The following EIF4E1B variants were observed in gnomAD, a reference collection of about 807,000 sequenced individuals.
The protein encoded by EIF4E1B is eukaryotic translation initiation factor 4E family member 1B.
In EIF4E1B, 22 loss-of-function variants were observed where a neutral mutation model predicts 31.3. The observed-to-expected ratio is 0.70, with a 90% confidence interval of 0.50 to 1.00. EIF4E1B has a LOEUF of 1.00. EIF4E1B is among the 50% of genes least tolerant of loss of function. EIF4E1B has a pLI of 0.00. For missense variants in EIF4E1B, 290 were observed against 311.6 expected, an observed-to-expected ratio of 0.93 and a Z score of 0.52; for synonymous variants, 126 against 120.2, an observed-to-expected ratio of 1.05 and a Z score of -0.31.
chr5:176,637,847 T>C (rs1760519176), intron 1 of EIF4E1B, among the ~76,000 whole-genome samples: 2 of 152,092 alleles, frequency 1.3e-5, no homozygotes, highest in South Asian at 4.1e-4. Context: ...GGGAGGGGAC[T>C]ATTCTTGGGC....
At chr5:176,644,180 T>A in intron 5 of EIF4E1B, 196 bp from the exon 6 acceptor site, 1 of 626,400 alleles carries the variant, frequency 1.6e-6, no homozygotes. Flanking sequence ...TGGCTCAGCC[T>A]TCACTGGGAA....
At chr5:176,642,841 C>A (rs1238883301) in intron 3 of EIF4E1B, 39 bp downstream of exon 3, 2 of 1,476,558 alleles carry the variant, frequency 1.4e-6, no homozygotes, top group Non-Finnish European at 1.8e-6. Context: ...TGCACCATGG[C>A]CCCGCCCTCT....
chr5:176,643,382 G>GGCC (rs1760628886), intron 4 of EIF4E1B, 116 bp downstream of exon 4: 1 of 1,315,858 alleles, frequency 7.6e-7, no homozygotes. Context: ...ATCCGTGGGA[G>GGCC]GCCAGGGCTG....
At position 176,645,594 on chromosome 5, in the gene EIF4E1B, A is replaced by G; in HGVS notation, c.614+78A>G. ...GGTGGGTGGAGGGGGCTTGGCCTGC[A>G]TGGGAGACCTCTGAAAGTCTCCATA... On this transcript the variant is annotated intron_variant, in intron 8 of 8. Coordinates refer to ENST00000318682, the MANE Select transcript of EIF4E1B (RefSeq NM_001099408.2). The surrounding 1 kb of genome is among the most constrained non-coding windows in gnomAD (Gnocchi z 5.4). 6.9e-7 allele frequency: 1 copy of G among 1,449,370 alleles called. No individual in the cohort carries two copies. Among genetic ancestry groups the G allele is most frequent in the Non-Finnish European group, 9.1e-7 (1 of 1,099,774 alleles). 89.8% of individuals were successfully genotyped at this position (1,449,370 alleles called of 1,614,324 possible).
chr5:176,635,163 A>G (rs533821184), intron 1 of EIF4E1B, among the ~76,000 whole-genome samples: 7 of 152,054 alleles, frequency 4.6e-5, no homozygotes, highest in Non-Finnish European at 1.0e-4. Flanking sequence ...GGTGGCCAGA[A>G]GCAGAGGAAC....
chr5:176,645,692 A>AGT lies in EIF4E1B; in HGVS notation c.615-172_615-171dup. The AGT allele has an allele frequency of 8.8e-7, 1 of 1,139,302 alleles. No homozygotes were observed. The highest frequency in any genetic ancestry group is 1.2e-6 in the Non-Finnish European group (1 of 823,820). 70.6% of individuals were successfully genotyped at this position (1,139,302 alleles called of 1,614,324 possible). A position where few individuals can be genotyped will look rare whatever the true frequency, so the allele number is the denominator to read the frequency against. ...CAGATTTCTAACTTTCTCTTACGGCAGTGCAGCTCTCCTTTTGCATTAAGG... is the reference window on the plus strand; with the variant it reads ...CAGATTTCTAACTTTCTCTTACGGCAGTGTGCAGCTCTCCTTTTGCATTAAGG... On this transcript the variant is annotated intron_variant, in intron 8 of 8. Transcript: ENST00000318682. The surrounding 1 kb of genome is among the most constrained non-coding windows in gnomAD (Gnocchi z 5.4).
rs1423196753 is a variant in EIF4E1B at position 176,638,216 on chromosome 5, G to A, written c.-201-3827G>A. Reference sequence around the variant, plus strand: ...TTGGATATGCTCTTCTGGATTTCTGGTGGCGGCTAAGCATGTCACTCTCTA... The same window carrying A: ...TTGGATATGCTCTTCTGGATTTCTGATGGCGGCTAAGCATGTCACTCTCTA... On this transcript the variant is annotated intron_variant, in intron 1 of 8. Transcript: ENST00000318682. The surrounding 1 kb of genome is among the most constrained non-coding windows in gnomAD (Gnocchi z 4.3). Among the ~76,000 whole-genome samples, 1 of 152,158 alleles carries A rather than the reference G, an allele frequency of 6.6e-6. No individual in the cohort carries two copies.
Position 176,642,737 on chromosome 5 carries a change from G to A in EIF4E1B, c.-51G>A. On this transcript the variant is annotated 5_prime_UTR_variant, in exon 3 of 9. Coordinates refer to ENST00000318682, the MANE Select transcript of EIF4E1B (RefSeq NM_001099408.2). Reference sequence around the variant, plus strand: ...CTTGGCCCCCATGGTGTGGGGCTTGGTCACAGCTGCTTCCCCAGCCCCAGG... The same window carrying A: ...CTTGGCCCCCATGGTGTGGGGCTTGATCACAGCTGCTTCCCCAGCCCCAGG... 2 of 1,554,434 alleles carry A rather than the reference G, an allele frequency of 1.3e-6. No individual in the cohort carries two copies. The highest frequency in any genetic ancestry group is 8.7e-7 in the Non-Finnish European group (1 of 1,148,884).
At position 176,643,398 on chromosome 5, in the gene EIF4E1B, A is replaced by C. The variant is rs962054668; in HGVS notation, c.200+132A>C. 6 of 1,222,210 alleles carry C rather than the reference A, an allele frequency of 4.9e-6. No homozygotes were observed. The African/African-American group carries it at 9.2e-5, about 19-fold the overall frequency. The allele number at this position is 1,222,210 out of a possible 1,614,324, so 75.7% of individuals were successfully genotyped here. A position where few individuals can be genotyped will look rare whatever the true frequency, so the allele number is the denominator to read the frequency against. On this transcript the variant is annotated intron_variant, in intron 4 of 8. Transcript: ENST00000318682. ...TCCGTGGGAGGCCAGGGCTGACCTA[A>C]GCCTTGGGCCCTGTTGGCCCTTCCA... is the stretch of plus-strand genomic sequence containing the variant.
chr5:176,637,978 GA>G (rs1408563710), intron 1 of EIF4E1B, among the ~76,000 whole-genome samples: 2 of 152,180 alleles, frequency 1.3e-5, no homozygotes, highest in African/African-American at 4.8e-5. Context: ...TGGATGTTTT[GA>G]AGGGAGAACT....
intron 3 of EIF4E1B, 77 bp from the exon 4 acceptor site, chr5:176,643,005 A>C (rs1760615283): frequency 1.3e-6 from 2 of 1,531,622 alleles, no homozygotes; most frequent in African/African-American, 2.8e-5. Flanking sequence ...CTCCTGGAGC[A>C]GGGGATGGGC....
In EIF4E1B at chr5:176,645,328, G is replaced by A. The variant is rs1455385905; in HGVS notation, c.475-49G>A. 2.6e-6 allele frequency: 4 copies of A among 1,553,720 alleles called. No individual in the cohort carries two copies. The highest frequency in any genetic ancestry group is 1.2e-5 in the South Asian group (1 of 81,734). ...CAGTGGTCTCAAGGATGGCAGGCCA[G>A]TCCCTATGTCCCAGCCGGTGATCTC... On this transcript the variant is annotated intron_variant, in intron 7 of 8. Coordinates refer to ENST00000318682, the MANE Select transcript of EIF4E1B (RefSeq NM_001099408.2). The surrounding 1 kb of genome is among the most constrained non-coding windows in gnomAD (Gnocchi z 5.4).
chr5:176,645,742 G>A lies in EIF4E1B; in HGVS notation c.615-124G>A. ...GGGGTCATATTTTGGGTTTCCACATGGGTAAGACACAACAGGTGTGGCTGT... is the reference window on the plus strand; with the variant it reads ...GGGGTCATATTTTGGGTTTCCACATAGGTAAGACACAACAGGTGTGGCTGT... On this transcript the variant is annotated intron_variant, in intron 8 of 8. Transcript: ENST00000318682. The surrounding 1 kb of genome is among the most constrained non-coding windows in gnomAD (Gnocchi z 5.4). The A allele has an allele frequency of 1.8e-6, 2 of 1,116,548 alleles. No homozygotes were observed. The highest frequency in any genetic ancestry group is 2.5e-6 in the Non-Finnish European group (2 of 797,980). The allele number at this position is 1,116,548 out of a possible 1,614,324, so 69.2% of individuals were successfully genotyped here. A position where few individuals can be genotyped will look rare whatever the true frequency, so the allele number is the denominator to read the frequency against.
chr5:176,645,013 T>A lies in EIF4E1B; in HGVS notation c.361-117T>A. The A allele has an allele frequency of 2.3e-6, 2 of 863,958 alleles. No individual in the cohort carries two copies. Among genetic ancestry groups the A allele is most frequent in the Non-Finnish European group, 3.6e-6 (2 of 554,982 alleles). The allele number at this position is 863,958 out of a possible 1,614,324, so 53.5% of individuals were successfully genotyped here. On this transcript the variant is annotated intron_variant, in intron 6 of 8. Transcript: ENST00000318682. This position sits in a 1 kb window ranked among gnomAD's most constrained non-coding sequence, Gnocchi z 5.4. Reference sequence around the variant, plus strand: ...CTGCTTGCACTGAGGGAAGGGAGGATAAGAGAATCTGGCCTACTTAGGGCC... The same window carrying A: ...CTGCTTGCACTGAGGGAAGGGAGGAAAAGAGAATCTGGCCTACTTAGGGCC...
chr5:176,630,980 G>A lies in EIF4E1B; in HGVS notation c.-286G>A, dbSNP rs1312942317. On this transcript the variant is annotated 5_prime_UTR_variant, in exon 1 of 9. Coordinates refer to ENST00000318682, the MANE Select transcript of EIF4E1B (RefSeq NM_001099408.2). ...AAGCTTACCATGGGGGTGTCTGTAC[G>A]CGTGTGTGTTCGTGCGCTCAGTGGT... 1 of 152,568 alleles carries A rather than the reference G, an allele frequency of 6.6e-6. No homozygotes were observed. The highest frequency in any genetic ancestry group is 1.9e-4 in the East Asian group (1 of 5,202). The allele number at this position is 152,568 out of a possible 1,614,324, so 9.5% of individuals were successfully genotyped here.
rs746260963 is a variant in EIF4E1B at position 176,645,910 on chromosome 5, T to C, written c.659T>C (p.Ile220Thr). Residue 220 changes from isoleucine to threonine, a missense_variant, in exon 9 of 9, where the codon ATT becomes ACT. Physicochemically the swap from Ile to Thr is moderately conservative, Grantham distance 89. Coordinates refer to ENST00000318682, the MANE Select transcript of EIF4E1B (RefSeq NM_001099408.2). This position sits in a 1 kb window ranked among gnomAD's most constrained non-coding sequence, Gnocchi z 5.4. ...CTGGGCCTCTCCCCAAAGACCATCA[T>C]TGGGTACCAGGCCCATGCAGACACA... ...ERLGLSPKTI[I>T]GYQAHADTAT... is the part of the protein sequence containing the mutation. 9.9e-6 allele frequency: 16 copies of C among 1,609,404 alleles called. No individual in the cohort carries two copies. Among genetic ancestry groups the C allele is most frequent in the South Asian group, 7.8e-5 (7 of 90,084 alleles).
At chr5:176,637,590 C>T (rs1760514811) in intron 1 of EIF4E1B, among the ~76,000 whole-genome samples, 1 of 152,028 alleles carries the variant, frequency 6.6e-6, no homozygotes, top group Non-Finnish European at 1.5e-5. Context: ...GGGGGTTGGA[C>T]AGTCACATAC....
At chr5:176,635,676 A>G (rs75954211) in intron 1 of EIF4E1B, among the ~76,000 whole-genome samples, 1,575 of 152,318 alleles carry the variant, frequency 0.01, 33 homozygotes, top group African/African-American at 0.035. Flanking sequence ...TACCTTTCTG[A>G]TGCACCATTC....
rs771087998 is a variant in EIF4E1B, at chr5:176,645,086, C to T, written c.361-44C>T. The T allele has an allele frequency of 1.1e-5, 16 of 1,521,812 alleles. No individual in the cohort carries two copies. The South Asian group carries it at 1.6e-4, about 15-fold the overall frequency. The allele number at this position is 1,521,812 out of a possible 1,614,324, so 94.3% of individuals were successfully genotyped here. A position where few individuals can be genotyped will look rare whatever the true frequency, so the allele number is the denominator to read the frequency against. On this transcript the variant is annotated intron_variant, in intron 6 of 8. Coordinates refer to ENST00000318682, the MANE Select transcript of EIF4E1B (RefSeq NM_001099408.2). The surrounding 1 kb of genome is among the most constrained non-coding windows in gnomAD (Gnocchi z 5.4). ...GGGATGGTGGGTGGGTCCCCATTTC[C>T]CTTTGAACACAGGGAGGCAGTTGAC... is the stretch of plus-strand genomic sequence containing the variant.
Sources: gnomAD v4.1 joint callset for allele counts (sites outside exome capture counted in the v4.1 genomes callset) on GRCh38, gnomAD v4.1.1 for gene constraint, Gnocchi (gnomAD v3.1) non-coding constraint, MANE v1.5 for transcripts, NCBI Gene and HGNC (gene_info 2026-07-23, HGNC 2026-07-21) for gene names.